GMPR: variants seen among roughly 807,000 people sequenced by gnomAD.
GMPR encodes GMP reductase 1.
Under a neutral mutation model 38.4 loss-of-function variants are expected in GMPR, and 31 were observed. The observed-to-expected ratio is 0.81, with a 90% confidence interval of 0.61 to 1.09. The LOEUF (loss-of-function observed/expected upper bound fraction) is 1.09, where lower values mean the gene tolerates loss of function less well. Among genes scored for constraint, GMPR ranks in the 50% least tolerant of loss-of-function variants. The pLI, the probability that GMPR is intolerant of heterozygous loss-of-function variation, is 0.00. For synonymous variants in GMPR, 162 were observed against 173.3 expected, an observed-to-expected ratio of 0.93 and a Z score of 0.51; for missense variants, 468 against 453.7, an observed-to-expected ratio of 1.03 and a Z score of -0.29.
intron 4 of GMPR, among the ~76,000 whole-genome samples, chr6:16,265,870 A>G (rs947941025): frequency 6.6e-6 from 1 of 152,224 alleles, no homozygotes; most frequent in Admixed American, 6.5e-5. Context: ...CTTTGGGTCC[A>G]CGCGACGTTT....
chr6:16,280,260 A>G (rs553265890), intron 6 of GMPR, among the ~76,000 whole-genome samples: 9 of 152,278 alleles, frequency 5.9e-5, no homozygotes, highest in South Asian at 2.1e-4. Flanking sequence ...ATAGATGATG[A>G]AAGTCTTGGG....
intron 7 of GMPR, 110 bp from the exon 8 acceptor site, chr6:16,290,352 A>C: frequency 1.1e-6 from 1 of 930,704 alleles, no homozygotes; most frequent in Non-Finnish European, 1.7e-6. Flanking sequence ...TCTTGACTAT[A>C]GCTGGGCGGG....
chr6:16,292,666 A>T (rs964097095), intron 8 of GMPR, among the ~76,000 whole-genome samples: 2 of 152,152 alleles, frequency 1.3e-5, no homozygotes, highest in Non-Finnish European at 2.9e-5. Flanking sequence ...TCTGTGCCAG[A>T]ATGTAAGTGG....
intron 1 of GMPR, among the ~76,000 whole-genome samples, chr6:16,245,598 T>C (rs1404071417): frequency 6.6e-6 from 1 of 152,200 alleles, no homozygotes; most frequent in East Asian, 1.9e-4. Flanking sequence ...CCACTTCTAA[T>C]GTAGTTTGTG....
At chr6:16,268,346 ACT>A (rs1759309827) in intron 4 of GMPR, among the ~76,000 whole-genome samples, 1 of 151,982 alleles carries the variant, frequency 6.6e-6, no homozygotes, top group Non-Finnish European at 1.5e-5. Flanking sequence ...ATGGACTCTC[ACT>A]CTGTTGCCCA....
chr6:16,268,532 A>G (rs1759315030), intron 4 of GMPR, among the ~76,000 whole-genome samples: 4 of 152,174 alleles, frequency 2.6e-5, no homozygotes, highest in Admixed American at 2.6e-4. Context: ...CACCTGTCTC[A>G]GCCTCCCAAA....
intron 6 of GMPR, among the ~76,000 whole-genome samples, chr6:16,280,145 A>G (rs1203278730): frequency 6.6e-6 from 1 of 152,180 alleles, no homozygotes; most frequent in African/African-American, 2.4e-5. Flanking sequence ...TGTGGTGATC[A>G]CTATGGCACG....
At chr6:16,286,200 G>A (rs764893005) in intron 7 of GMPR, among the ~76,000 whole-genome samples, 13 of 152,114 alleles carry the variant, frequency 8.5e-5, no homozygotes, top group Non-Finnish European at 1.5e-4. Flanking sequence ...TCCCGTGGAA[G>A]GGACAGGAGG....
intron 4 of GMPR, among the ~76,000 whole-genome samples, chr6:16,255,291 G>GTGT (rs1758952260): frequency 6.6e-6 from 1 of 152,130 alleles, no homozygotes; most frequent in Non-Finnish European, 1.5e-5. Context: ...GAGATTACAG[G>GTGT]TGTGAGCCAC....
intron 7 of GMPR, among the ~76,000 whole-genome samples, chr6:16,286,439 G>A (rs1759680745): frequency 6.6e-6 from 1 of 151,968 alleles, no homozygotes; most frequent in South Asian, 2.1e-4. Context: ...GCATTTGGAA[G>A]TCAGAGCTGG....
At chr6:16,292,768 A>C (rs1430364908) in intron 8 of GMPR, among the ~76,000 whole-genome samples, 1 of 152,210 alleles carries the variant, frequency 6.6e-6, no homozygotes, top group African/African-American at 2.4e-5. Flanking sequence ...TTAAAAAATT[A>C]TAGAATCAAG....
In GMPR at chr6:16,238,749, C is replaced by CA; in HGVS notation, c.56_57insA (p.Lys20Ter). 1 of 1,474,224 alleles carries CA rather than the reference C, an allele frequency of 6.8e-7. No individual in the cohort carries two copies. Among genetic ancestry groups the CA allele is most frequent in the African/African-American group, 1.4e-5 (1 of 70,078 alleles). The allele number at this position is 1,474,224 out of a possible 1,614,324, so 91.3% of individuals were successfully genotyped here. ...GACTTCAAGGATGTCCTGCTCCGAC[C>CA]TAAGCGGAGCAGCCTCAAGAGCCGA... is the stretch of plus-strand genomic sequence containing the variant. On this transcript the variant is annotated frameshift_variant, in exon 1 of 9. Coordinates refer to ENST00000259727, the MANE Select transcript of GMPR (RefSeq NM_006877.4). LOFTEE classifies it high-confidence loss of function.
chr6:16,249,626 T>G (rs1758828662), intron 2 of GMPR, among the ~76,000 whole-genome samples: 1 of 152,226 alleles, frequency 6.6e-6, no homozygotes, highest in South Asian at 2.1e-4. Flanking sequence ...CCTGGGCAAC[T>G]TAAACTGCTT....
intron 2 of GMPR, among the ~76,000 whole-genome samples, chr6:16,248,839 T>C (rs1025157352): frequency 7.2e-5 from 11 of 152,190 alleles, no homozygotes; most frequent in African/African-American, 2.7e-4. Context: ...ATTCACATAA[T>C]AGATTATAGT....
intron 6 of GMPR, 135 bp downstream of exon 6, chr6:16,279,025 C>T (rs911923340): frequency 3.2e-6 from 2 of 622,118 alleles, no homozygotes; most frequent in East Asian, 2.7e-5. Flanking sequence ...TGACATTCAG[C>T]AGAAACAGAG....
intron 6 of GMPR, among the ~76,000 whole-genome samples, chr6:16,281,375 T>C (rs1759569952): frequency 6.6e-6 from 1 of 152,212 alleles, no homozygotes; most frequent in Non-Finnish European, 1.5e-5. Flanking sequence ...GCAACTTCTC[T>C]GAATTTAACA....
chr6:16,274,818 G>A (rs746515789), intron 5 of GMPR, among the ~76,000 whole-genome samples: 2 of 152,194 alleles, frequency 1.3e-5, no homozygotes, highest in Admixed American at 1.3e-4. Flanking sequence ...TGCAGAGGAA[G>A]GCGATAGGTG....
chr6:16,247,045 C>A, intron 2 of GMPR, 84 bp downstream of exon 2: 1 of 1,302,964 alleles, frequency 7.7e-7, no homozygotes, highest in Non-Finnish European at 1.1e-6. Flanking sequence ...TTTATTCAGA[C>A]ACAAGGAAGA....
At chr6:16,269,163 C>T (rs1048173412) in intron 4 of GMPR, among the ~76,000 whole-genome samples, 3 of 151,952 alleles carry the variant, frequency 2.0e-5, no homozygotes, top group African/African-American at 4.8e-5. Context: ...TTATAAAGCA[C>T]CACCAAGAGC....
Sources: gnomAD v4.1 joint callset for allele counts (sites outside exome capture counted in the v4.1 genomes callset) on GRCh38, gnomAD v4.1.1 for gene constraint, MANE v1.5 for transcripts, NCBI Gene and HGNC (gene_info 2026-07-23, HGNC 2026-07-21) for gene names.